Variants in OTUD7A observed in about 807,000 individuals in gnomAD.
OTUD7A encodes the protein OTU domain-containing protein 7A.
OTUD7A carries 12 observed loss-of-function variants against 65.7 expected under a neutral mutation model. The ratio of observed to expected loss-of-function variants is 0.18; its 90% confidence interval spans 0.12 to 0.30. The LOEUF (loss-of-function observed/expected upper bound fraction) is 0.30, where lower values mean the gene tolerates loss of function less well. Among genes scored for constraint, OTUD7A ranks in the 10% least tolerant of loss-of-function variants. The pLI, the probability that OTUD7A is intolerant of heterozygous loss-of-function variation, is 1.00. For synonymous variants in OTUD7A, 641 were observed against 586.3 expected, an observed-to-expected ratio of 1.09 and a Z score of -1.35; for missense variants, 1,148 against 1,304.8, an observed-to-expected ratio of 0.88 and a Z score of 1.85.
chr15:31,753,679 C>A (rs1894702875), intron 1 of OTUD7A, among the ~76,000 whole-genome samples: 2 of 96,772 alleles, frequency 2.1e-5, no homozygotes, highest in East Asian at 4.9e-4. Flanking sequence ...ATATATATAA[C>A]CTGTGAGATA....
rs1365656855 is a variant in OTUD7A, at chr15:31,479,190, C to T, written c.*4104G>A. 1.3e-5 allele frequency: 2 copies of T among 152,338 alleles called. No homozygotes were observed. Among genetic ancestry groups the T allele is most frequent in the East Asian group, 3.9e-4 (2 of 5,168 alleles). The allele number at this position is 152,338 out of a possible 1,614,324, so 9.4% of individuals were successfully genotyped here. A position where few individuals can be genotyped will look rare whatever the true frequency, so the allele number is the denominator to read the frequency against. On this transcript the variant is annotated 3_prime_UTR_variant, in exon 13 of 13. Coordinates refer to ENST00000307050, the MANE Select transcript of OTUD7A (RefSeq NM_001382637.1). ...TAGGCCCTTCATACGGTGTGTCTGT[C>T]CTCAGCTGGCAGCAGAACCGGACTC...
At chr15:31,777,779 C>CT (rs2140921890) in intron 1 of OTUD7A, among the ~76,000 whole-genome samples, 1 of 152,268 alleles carries the variant, frequency 6.6e-6, no homozygotes, top group Non-Finnish European at 1.5e-5. Flanking sequence ...TGAGGGAGTT[C>CT]TGGGGGCAGC....
chr15:31,683,202 G>T (rs905873385), intron 1 of OTUD7A, among the ~76,000 whole-genome samples: 1 of 152,028 alleles, frequency 6.6e-6, no homozygotes, highest in African/African-American at 2.4e-5. Context: ...TTATTTTAGT[G>T]TCTATCTTTT....
intron 10 of OTUD7A, among the ~76,000 whole-genome samples, chr15:31,500,948 G>A (rs527643997): frequency 2.6e-5 from 4 of 152,258 alleles, no homozygotes; most frequent in Admixed American, 2.6e-4. Context: ...TAGCTAACAT[G>A]AGAAAACAGC....
chr15:31,519,615 A>G (rs189184554), intron 8 of OTUD7A, among the ~76,000 whole-genome samples: 11 of 152,324 alleles, frequency 7.2e-5, no homozygotes, highest in Admixed American at 5.9e-4. Context: ...CACTTTTACC[A>G]CTGTTATTCA....
At chr15:31,614,804 G>A (rs910467371) in intron 3 of OTUD7A, among the ~76,000 whole-genome samples, 1 of 152,044 alleles carries the variant, frequency 6.6e-6, no homozygotes, top group South Asian at 2.1e-4. Flanking sequence ...AGAAAATAAC[G>A]TTGCCCTACG....
chr15:31,756,916 G>A (rs1894832602), intron 1 of OTUD7A, among the ~76,000 whole-genome samples: 2 of 152,162 alleles, frequency 1.3e-5, no homozygotes, highest in South Asian at 4.1e-4. Flanking sequence ...GGGTATGTGG[G>A]GGCCACCGAA....
intron 1 of OTUD7A, among the ~76,000 whole-genome samples, chr15:31,719,195 A>G (rs898179845): frequency 1.3e-5 from 2 of 152,196 alleles, no homozygotes; most frequent in Admixed American, 6.5e-5. Flanking sequence ...AGCGATCTTC[A>G]GTCTCCCAAA....
At chr15:31,804,783 A>T (rs1896225390) in intron 1 of OTUD7A, among the ~76,000 whole-genome samples, 1 of 152,162 alleles carries the variant, frequency 6.6e-6, no homozygotes. Context: ...CACCCATGAC[A>T]AGTGATAAGT....
At chr15:31,773,372 C>G (rs1165580568) in intron 1 of OTUD7A, among the ~76,000 whole-genome samples, 1 of 152,306 alleles carries the variant, frequency 6.6e-6, no homozygotes, top group East Asian at 1.9e-4. Context: ...AACATCAAGG[C>G]ACCTGCAGAT....
chr15:31,644,442 G>T (rs1891606234), intron 3 of OTUD7A, among the ~76,000 whole-genome samples: 1 of 151,860 alleles, frequency 6.6e-6, no homozygotes, highest in Non-Finnish European at 1.5e-5. Flanking sequence ...CTTGCTTCTT[G>T]CTTTTAAGGT....
intron 1 of OTUD7A, among the ~76,000 whole-genome samples, chr15:31,662,865 A>C (rs1892203926): frequency 6.6e-6 from 1 of 152,186 alleles, no homozygotes; most frequent in Non-Finnish European, 1.5e-5. Flanking sequence ...AGTTCCTAAT[A>C]AAATCAGGAA....
intron 1 of OTUD7A, among the ~76,000 whole-genome samples, chr15:31,846,942 T>C (rs941351233): frequency 1.3e-5 from 2 of 152,202 alleles, no homozygotes; most frequent in African/African-American, 4.8e-5. Flanking sequence ...CAGCAAGATT[T>C]AGGATAGACT....
rs145890474 is a variant in OTUD7A, at chr15:31,658,804, G to A, written c.-99-1727C>T. ...GCACTTTGGGAGGCCGAGGCTCGTA[G>A]ATCACCTGAGGTCTGGAGTTCAAGG... On this transcript the variant is annotated intron_variant, in intron 1 of 12. Transcript: ENST00000307050. Among the ~76,000 whole-genome samples, 818 of 151,184 alleles carry A rather than the reference G, an allele frequency of 5.4e-3. 9 individuals are homozygous for A. The highest frequency in any genetic ancestry group is 0.016 in the African/African-American group (677 of 41,146).
chr15:31,627,811 T>C (rs1221380834), intron 3 of OTUD7A, among the ~76,000 whole-genome samples: 1 of 152,232 alleles, frequency 6.6e-6, no homozygotes, highest in Non-Finnish European at 1.5e-5. Flanking sequence ...TATCTCATTG[T>C]GGTTTCGATT....
Position 31,483,797 on chromosome 15 carries a change from C to A in OTUD7A, c.2299G>T (p.Gly767Cys). The stretch of plus-strand genomic sequence containing the variant: ...CGCGCTGGCGCCGGGGGGCTGCGGC[C>A]AGGCACTGGTCCGCTGGCGCTCGCA... ...RRASASGPVP[G>C]RSPPAPARQS... is the part of the protein sequence containing the mutation. Residue 767 changes from glycine (G) to cysteine (C), a missense_variant, in exon 13 of 13, where the codon GGC (glycine) becomes TGC (cysteine). By Grantham distance (159) the Gly-to-Cys change is radical. Transcript: ENST00000307050. 1 of 1,031,380 alleles carries A rather than the reference C, an allele frequency of 9.7e-7. No homozygotes were observed. The allele number at this position is 1,031,380 out of a possible 1,614,324, so 63.9% of individuals were successfully genotyped here.
At chr15:31,842,983 T>C (rs1897219887) in intron 1 of OTUD7A, among the ~76,000 whole-genome samples, 1 of 152,078 alleles carries the variant, frequency 6.6e-6, no homozygotes, top group Admixed American at 6.5e-5. Flanking sequence ...ACAAGCCTCC[T>C]AGAAGCACTG....
intron 1 of OTUD7A, among the ~76,000 whole-genome samples, chr15:31,742,203 G>A (rs951372850): frequency 1.3e-5 from 2 of 151,974 alleles, no homozygotes; most frequent in African/African-American, 4.8e-5. Flanking sequence ...CTCAGGTTAT[G>A]AGACTAGCAC....
chr15:31,735,942 TAAC>T (rs1302314871), intron 1 of OTUD7A, among the ~76,000 whole-genome samples: 1 of 152,202 alleles, frequency 6.6e-6, no homozygotes, highest in Non-Finnish European at 1.5e-5. Context: ...CCATTATCCT[TAAC>T]AAACTAACGC....
Sources: gnomAD v4.1 joint callset for allele counts (sites outside exome capture counted in the v4.1 genomes callset) on GRCh38, gnomAD v4.1.1 for gene constraint, MANE v1.5 for transcripts, NCBI Gene and HGNC (gene_info 2026-07-23, HGNC 2026-07-21) for gene names.